FAM184A: variants seen among roughly 807,000 people sequenced by gnomAD.
The protein encoded by FAM184A is family with sequence similarity 184 member A.
Under a neutral mutation model 143.8 loss-of-function variants are expected in FAM184A, and 99 were observed. The ratio of observed to expected loss-of-function variants is 0.69; its 90% CI spans 0.58 to 0.81. The LOEUF (loss-of-function observed/expected upper bound fraction) is 0.81, where lower values mean the gene tolerates loss of function less well. Ranked by LOEUF, FAM184A falls within the 40% of genes least tolerant of loss-of-function variation. The pLI is 0.00. For missense variants in FAM184A, 1,217 were observed against 1,310.5 expected (o/e 0.93, Z 1.10); for synonymous variants, 427 against 446.4 (o/e 0.96, Z 0.55).
At position 119,020,072 on chromosome 6, in the gene FAM184A, C is replaced by T. The variant is rs1785390005; in HGVS notation, c.1238G>A (p.Arg413Lys). The change falls in exon 4 of 18, where the codon AGA becomes AAA. Residue 413 changes from arginine to lysine, a missense_variant. Arg to Lys is a conservative substitution (Grantham distance 26). Transcript: ENST00000338891. ...LESEKSRVNE[R>K]LSQLEEERAF... ...TCTTTCCTCTTCAAGTTGAGATAAT[C>T]TCTCATTGACTCTCGATTTTTCTGA... The T allele has an allele frequency of 3.1e-6, 5 of 1,609,820 alleles. No homozygotes were observed. Among genetic ancestry groups the T allele is most frequent in the Admixed American group, 1.7e-5 (1 of 59,074 alleles).
chr6:118,980,337 T>C lies in FAM184A; in HGVS notation c.2102A>G (p.Lys701Arg), dbSNP rs746831914. ...EDLLNQISLL[K>R]QNLEIQLSQS... is the part of the protein sequence containing the mutation. ...GGAAAGCTGTATCTCCAGATTCTGT[T>C]TCAGCAAGGAAATCTATGCCCCAGA... Residue 701 changes from lysine to arginine, a missense_variant, in exon 10 of 18, where the codon AAA (lysine) becomes AGA (arginine). By Grantham distance (26) the Lys-to-Arg change is conservative. Coordinates refer to ENST00000338891, the MANE Select transcript of FAM184A (RefSeq NM_024581.6). 6 of 1,613,612 alleles carry C rather than the reference T, an allele frequency of 3.7e-6. No individual in the cohort carries two copies. The highest frequency in any genetic ancestry group is 4.2e-6 in the Non-Finnish European group (5 of 1,179,782).
At chr6:119,087,225 A>G (rs1788245047) in intron 1 of FAM184A, among the ~76,000 whole-genome samples, 1 of 152,208 alleles carries the variant, frequency 6.6e-6, no homozygotes, top group Non-Finnish European at 1.5e-5. Context: ...GCAGCAAAAG[A>G]AAAAACAGAT....
At chr6:118,993,306 A>G (rs1015174246) in intron 9 of FAM184A, among the ~76,000 whole-genome samples, 4 of 152,254 alleles carry the variant, frequency 2.6e-5, no homozygotes, top group African/African-American at 4.8e-5. Context: ...AGACGTTGAG[A>G]TAAGTGAGGA....
At chr6:119,118,581 C>T (rs538521191) in intron 1 of FAM184A, among the ~76,000 whole-genome samples, 40 of 152,296 alleles carry the variant, frequency 2.6e-4, no homozygotes, top group African/African-American at 8.9e-4. Flanking sequence ...TTACGCCTGT[C>T]TTTACTGCAA....
At chr6:118,995,077 C>T (rs1438218292) in intron 9 of FAM184A, among the ~76,000 whole-genome samples, 1 of 152,124 alleles carries the variant, frequency 6.6e-6, no homozygotes, top group East Asian at 1.9e-4. Flanking sequence ...AATATTGATA[C>T]TAGTCTTACA....
chr6:119,145,918 T>C (rs1218283296), intron 1 of FAM184A, among the ~76,000 whole-genome samples: 1 of 152,200 alleles, frequency 6.6e-6, no homozygotes, highest in East Asian at 1.9e-4. Context: ...AGAGGCTAAA[T>C]ATTTGCACAT....
intron 12 of FAM184A, among the ~76,000 whole-genome samples, chr6:118,975,668 A>C (rs1346631798): frequency 1.3e-5 from 2 of 152,246 alleles, no homozygotes; most frequent in Admixed American, 6.5e-5. Context: ...GACTTAGTTT[A>C]GTGCTGCTCT....
chr6:119,060,916 C>T (rs1466287561), intron 1 of FAM184A, among the ~76,000 whole-genome samples: 3 of 152,162 alleles, frequency 2.0e-5, no homozygotes, highest in Admixed American at 1.3e-4. Flanking sequence ...GAACCATGAA[C>T]GAATTAAACC....
At chr6:118,998,233 TC>T (rs1784633590) in intron 9 of FAM184A, among the ~76,000 whole-genome samples, 1 of 152,240 alleles carries the variant, frequency 6.6e-6, no homozygotes, top group Non-Finnish European at 1.5e-5. Flanking sequence ...AGATGATTGA[TC>T]CTTTTACAGT....
chr6:119,144,339 A>C (rs1772350004), intron 1 of FAM184A, among the ~76,000 whole-genome samples: 1 of 151,602 alleles, frequency 6.6e-6, no homozygotes, highest in Non-Finnish European at 1.5e-5. Flanking sequence ...GACTCAAAAA[A>C]AAAAAAAAAA....
At chr6:119,085,959 G>C (rs1278350102) in intron 1 of FAM184A, among the ~76,000 whole-genome samples, 1 of 152,064 alleles carries the variant, frequency 6.6e-6, no homozygotes, top group Non-Finnish European at 1.5e-5. Context: ...CAGCACCAAG[G>C]GGATGGTGCT....
At chr6:119,139,789 A>C (rs1772152815) in intron 1 of FAM184A, among the ~76,000 whole-genome samples, 1 of 152,236 alleles carries the variant, frequency 6.6e-6, no homozygotes, top group South Asian at 2.1e-4. Context: ...AAAAAGAAGC[A>C]AAGGGTTGTC....
At chr6:119,061,450 G>T (rs765376288) in intron 1 of FAM184A, among the ~76,000 whole-genome samples, 1 of 151,304 alleles carries the variant, frequency 6.6e-6, no homozygotes, top group African/African-American at 2.4e-5. Context: ...CAAATTCCTG[G>T]ACTCAAGCAA....
At chr6:119,010,738 C>T (rs978698995) in intron 6 of FAM184A, among the ~76,000 whole-genome samples, 9 of 152,134 alleles carry the variant, frequency 5.9e-5, no homozygotes, top group Middle Eastern at 3.2e-3. Context: ...TTCAAACAGC[C>T]TTCTCTGTCC....
At chr6:118,991,005 A>G (rs1784360604) in intron 9 of FAM184A, among the ~76,000 whole-genome samples, 1 of 151,766 alleles carries the variant, frequency 6.6e-6, no homozygotes, top group Non-Finnish European at 1.5e-5. Context: ...TATGTATCTC[A>G]CCCTGTATAA....
chr6:119,019,254 T>C lies in FAM184A; in HGVS notation c.1332+724A>G, dbSNP rs116503657. ...ATGTGAAATACCAAGAGATGAGAGA[T>C]TGTAAATCAGTGGGTAGTAAGTACC... On this transcript the variant is annotated intron_variant, in intron 4 of 17. Coordinates refer to ENST00000338891, the MANE Select transcript of FAM184A (RefSeq NM_024581.6). Among the ~76,000 whole-genome samples, 954 of 151,940 alleles carry C rather than the reference T, an allele frequency of 6.3e-3. 7 individuals carry two copies. Among genetic ancestry groups the C allele is most frequent in the African/African-American group, 0.021 (884 of 41,428 alleles).
intron 1 of FAM184A, among the ~76,000 whole-genome samples, chr6:119,095,906 T>C (rs1360534904): frequency 6.6e-6 from 1 of 152,166 alleles, no homozygotes; most frequent in Non-Finnish European, 1.5e-5. Flanking sequence ...CCATCTTCCA[T>C]TGCCTTCCAA....
rs1389591549 is a variant in FAM184A, at chr6:119,127,859, A to G, written c.-202+21219T>C. On this transcript the variant is annotated intron_variant, in intron 1 of 16. Transcript: ENST00000352896. ...TCATTCATTCATTCATTCATTCAAC[A>G]AACATTCATTGACCGTCTACTTTGT... is the stretch of plus-strand genomic sequence containing the variant. Among the ~76,000 whole-genome samples, 3 of 151,778 alleles carry G rather than the reference A, an allele frequency of 2.0e-5. No homozygotes were observed. The East Asian group carries it at 5.8e-4, about 29-fold the overall frequency.
At chr6:118,989,182 T>C (rs1020127564) in intron 9 of FAM184A, among the ~76,000 whole-genome samples, 18 of 151,668 alleles carry the variant, frequency 1.2e-4, no homozygotes, top group South Asian at 2.1e-4. Flanking sequence ...AGGATGGTCT[T>C]GATCTCCTGA....
Sources: allele counts gnomAD v4.1 joint callset (sites outside exome capture counted in the v4.1 genomes callset), GRCh38; gene constraint gnomAD v4.1.1; transcripts MANE v1.5; gene names NCBI Gene and HGNC (gene_info 2026-07-23, HGNC 2026-07-21).